GSK3B: variants seen among roughly 807,000 people sequenced by gnomAD.
GSK3B encodes glycogen synthase kinase-3 beta.
A neutral mutation model predicts 56.4 loss-of-function variants in GSK3B; 15 were observed. That is an observed-to-expected ratio of 0.27 (90% CI 0.18 to 0.41). The LOEUF (loss-of-function observed/expected upper bound fraction) is 0.41, where lower values mean the gene tolerates loss of function less well. Among genes scored for constraint, GSK3B ranks in the 10% least tolerant of loss-of-function variants. The probability of loss-of-function intolerance (pLI) is 1.00; values close to 1 mark genes in which losing one functional copy is unlikely to be tolerated. For synonymous variants in GSK3B, 181 were observed against 188.9 expected (o/e 0.96, Z 0.34); for missense variants, 300 against 513.4 (o/e 0.58, Z 4.02).
In GSK3B at chr3:119,823,893, C is replaced by T. The variant is rs2055455038; in HGVS notation, c.*2895G>A. 5.1e-6 allele frequency: 1 copy of T among 195,162 alleles called. No homozygotes were observed. The highest frequency in any genetic ancestry group is 2.3e-5 in the African/African-American group (1 of 42,810). 12.1% of individuals were successfully genotyped at this position (195,162 alleles called of 1,614,324 possible). ...ACAGGGAGACATGGATAAAGGAAAC[C>T]AATTAAAATTTAAAAAAGAACAAAT... is the stretch of plus-strand genomic sequence containing the variant. On this transcript the variant is annotated 3_prime_UTR_variant, in exon 11 of 11. Coordinates refer to ENST00000264235, the MANE Select transcript of GSK3B (RefSeq NM_001146156.2).
chr3:120,073,283 A>G (rs1157203070), intron 1 of GSK3B, among the ~76,000 whole-genome samples: 1 of 151,404 alleles, frequency 6.6e-6, no homozygotes, highest in African/African-American at 2.4e-5. Flanking sequence ...TAGCTAATTG[A>G]AAGGCTGATG....
intron 6 of GSK3B, among the ~76,000 whole-genome samples, chr3:119,907,204 G>C (rs1009328368): frequency 1.3e-5 from 2 of 152,008 alleles, no homozygotes; most frequent in African/African-American, 4.8e-5. Context: ...TAAGATGGAA[G>C]GTAATATGCA....
intron 7 of GSK3B, among the ~76,000 whole-genome samples, chr3:119,884,764 G>C (rs1046130533): frequency 6.6e-6 from 1 of 152,008 alleles, no homozygotes; most frequent in African/African-American, 2.4e-5. Flanking sequence ...GTAAGATCAC[G>C]AGGTTATAAA....
intron 1 of GSK3B, among the ~76,000 whole-genome samples, chr3:120,084,082 T>G (rs1432849400): frequency 6.6e-6 from 1 of 152,126 alleles, no homozygotes; most frequent in Non-Finnish European, 1.5e-5. Flanking sequence ...TATGAACACC[T>G]GAGTAATGAA....
chr3:120,090,402 A>G (rs2058501357), intron 1 of GSK3B, among the ~76,000 whole-genome samples: 1 of 152,186 alleles, frequency 6.6e-6, no homozygotes, highest in Non-Finnish European at 1.5e-5. Flanking sequence ...TCTGAATTTC[A>G]AGGGAACTTA....
At chr3:119,982,657 A>G (rs1168188768) in intron 2 of GSK3B, among the ~76,000 whole-genome samples, 1 of 152,212 alleles carries the variant, frequency 6.6e-6, no homozygotes, top group Non-Finnish European at 1.5e-5. Flanking sequence ...AGAAGGTTAG[A>G]GAAAAAAGAC....
At chr3:120,087,570 T>A (rs1046752254) in intron 1 of GSK3B, among the ~76,000 whole-genome samples, 2 of 152,082 alleles carry the variant, frequency 1.3e-5, no homozygotes, top group African/African-American at 4.8e-5. Flanking sequence ...CTGAATTGAT[T>A]TGAAATAAGA....
chr3:120,035,838 G>A (rs1006485051), intron 1 of GSK3B, among the ~76,000 whole-genome samples: 7 of 152,152 alleles, frequency 4.6e-5, no homozygotes, highest in Non-Finnish European at 8.8e-5. Flanking sequence ...CATAAAATGA[G>A]TTCAACTTTG....
intron 2 of GSK3B, among the ~76,000 whole-genome samples, chr3:119,971,806 T>C (rs1321429824): frequency 6.6e-6 from 1 of 150,408 alleles, no homozygotes; most frequent in African/African-American, 2.4e-5. Context: ...AGAGACAGGG[T>C]TTCACCGTTT....
intron 1 of GSK3B, among the ~76,000 whole-genome samples, chr3:120,021,874 C>A (rs142289442): frequency 2.6e-3 from 398 of 152,244 alleles, no homozygotes; most frequent in African/African-American, 8.5e-3. Context: ...TTTGAGAGGA[C>A]TGATTCCAAT....
At chr3:119,937,959 GAC>G (rs1287628770) in intron 3 of GSK3B, among the ~76,000 whole-genome samples, 1 of 150,450 alleles carries the variant, frequency 6.6e-6, no homozygotes, top group Non-Finnish European at 1.5e-5. Flanking sequence ...ACCTCACAGA[GAC>G]AAAAAGGATG....
intron 7 of GSK3B, among the ~76,000 whole-genome samples, chr3:119,900,613 C>A (rs1032218653): frequency 1.3e-5 from 2 of 152,056 alleles, no homozygotes; most frequent in Non-Finnish European, 2.9e-5. Flanking sequence ...CTGGGGGACA[C>A]CTGTCATTTA....
chr3:119,959,910 G>C (rs139150323), intron 2 of GSK3B, among the ~76,000 whole-genome samples: 3 of 152,004 alleles, frequency 2.0e-5, no homozygotes, highest in African/African-American at 7.2e-5. Flanking sequence ...AACTTACCCA[G>C]GATCCCAGCA....
intron 1 of GSK3B, among the ~76,000 whole-genome samples, chr3:120,056,458 G>C (rs2107547696): frequency 6.6e-6 from 1 of 152,298 alleles, no homozygotes; most frequent in African/African-American, 2.4e-5. Context: ...TCCTGCCTCA[G>C]CCTCCCACGT....
At chr3:119,986,941 G>C (rs192449394) in intron 2 of GSK3B, among the ~76,000 whole-genome samples, 2 of 152,180 alleles carry the variant, frequency 1.3e-5, no homozygotes, top group African/African-American at 4.8e-5. Context: ...GTCCATCAAT[G>C]ATAGACTGGA....
At position 119,826,548 on chromosome 3, in the gene GSK3B, T is replaced by TC; in HGVS notation, c.*239dup. ...ATGTTCTAGTGCTCCGCTTTCCCCC[T>TC]CCCCACAACCCCTCCCACCCCCTGG... On this transcript the variant is annotated 3_prime_UTR_variant, in exon 11 of 11. Transcript: ENST00000264235. 1.5e-5 allele frequency: 6 copies of TC among 395,432 alleles called. No individual in the cohort carries two copies. Among genetic ancestry groups the TC allele is most frequent in the East Asian group, 1.2e-4 (2 of 16,110 alleles). 24.5% of individuals were successfully genotyped at this position (395,432 alleles called of 1,614,324 possible). A position where few individuals can be genotyped will look rare whatever the true frequency, so the allele number is the denominator to read the frequency against.
At chr3:120,014,473 C>T (rs762830725) in intron 1 of GSK3B, among the ~76,000 whole-genome samples, 5 of 151,954 alleles carry the variant, frequency 3.3e-5, no homozygotes, top group Non-Finnish European at 7.4e-5. Context: ...ATTTATGATG[C>T]GGAAGCTCTA....
intron 2 of GSK3B, among the ~76,000 whole-genome samples, chr3:120,001,587 A>C (rs769255989): frequency 2.0e-5 from 3 of 152,170 alleles, no homozygotes; most frequent in Non-Finnish European, 4.4e-5. Flanking sequence ...TAAATTACTC[A>C]ATATCAGGTA....
At chr3:119,882,624 GT>G (rs2056392517) in intron 7 of GSK3B, among the ~76,000 whole-genome samples, 1 of 152,096 alleles carries the variant, frequency 6.6e-6, no homozygotes. Context: ...ATGTAAGTAT[GT>G]TTTTTACATA....
Sources: gnomAD v4.1 joint callset for allele counts (sites outside exome capture counted in the v4.1 genomes callset) on GRCh38, gnomAD v4.1.1 for gene constraint, MANE v1.5 for transcripts, NCBI Gene and HGNC (gene_info 2026-07-23, HGNC 2026-07-21) for gene names.